LYPD6B: variants seen among roughly 807,000 people sequenced by gnomAD.
The protein encoded by LYPD6B is LY6/PLAUR domain containing 6B.
Under a neutral mutation model 22.8 loss-of-function variants are expected in LYPD6B, and 17 were observed. The ratio of observed to expected loss-of-function variants is 0.75; its 90% CI spans 0.51 to 1.12. The LOEUF (loss-of-function observed/expected upper bound fraction) is 1.12, where lower values mean the gene tolerates loss of function less well. Ranked by LOEUF, LYPD6B falls within the 50% of genes most tolerant of loss-of-function variation. The pLI is 0.00. For missense variants in LYPD6B, 221 were observed against 258.3 expected, an observed-to-expected ratio of 0.86 and a Z score of 0.99; for synonymous variants, 106 against 91.6, an observed-to-expected ratio of 1.16 and a Z score of -0.90.
chr2:149,141,251 C>G (rs1688674948), intron 2 of LYPD6B, among the ~76,000 whole-genome samples: 1 of 152,144 alleles, frequency 6.6e-6, no homozygotes, highest in African/African-American at 2.4e-5. Flanking sequence ...TGGGGCAGAG[C>G]ATTCCAGGAA....
chr2:149,197,501 ACT>A (rs1008800273), intron 3 of LYPD6B, among the ~76,000 whole-genome samples: 1 of 151,736 alleles, frequency 6.6e-6, no homozygotes, highest in South Asian at 2.1e-4. Context: ...ATAGAGCGAG[ACT>A]CTGTCTCAAG....
intron 1 of LYPD6B, among the ~76,000 whole-genome samples, chr2:149,125,950 C>T (rs1384503): frequency 0.52 from 79,675 of 151,896 alleles, 21,217 homozygotes; most frequent in East Asian, 0.86. Flanking sequence ...AAAAAATTTC[C>T]TCATTGGGTG....
intron 1 of LYPD6B, among the ~76,000 whole-genome samples, chr2:149,108,659 C>T (rs1422009733): frequency 1.3e-5 from 2 of 152,196 alleles, no homozygotes; most frequent in Admixed American, 1.3e-4. Context: ...CAACTTTTGA[C>T]TTTCAGCACA....
At chr2:149,209,367 G>A (rs1693701487) in intron 5 of LYPD6B, among the ~76,000 whole-genome samples, 1 of 152,036 alleles carries the variant, frequency 6.6e-6, no homozygotes, top group Non-Finnish European at 1.5e-5. Flanking sequence ...GAGGTGGGGA[G>A]GTGAATGATT....
intron 1 of LYPD6B, among the ~76,000 whole-genome samples, chr2:149,053,054 A>T (rs1480535056): frequency 6.6e-6 from 1 of 152,166 alleles, no homozygotes; most frequent in Non-Finnish European, 1.5e-5. Context: ...TTTAATTTTG[A>T]TGAATTCTAA....
chr2:149,144,834 G>T (rs4667349), intron 2 of LYPD6B, among the ~76,000 whole-genome samples: 1 of 151,942 alleles, frequency 6.6e-6, no homozygotes, highest in Non-Finnish European at 1.5e-5. Flanking sequence ...TCCACTTGAC[G>T]TGCCTTCAAA....
At chr2:149,142,635 C>A (rs1490084737) in intron 2 of LYPD6B, among the ~76,000 whole-genome samples, 1 of 152,042 alleles carries the variant, frequency 6.6e-6, no homozygotes, top group Non-Finnish European at 1.5e-5. Context: ...CCTCTCCCCC[C>A]ATAGACAACT....
intron 3 of LYPD6B, among the ~76,000 whole-genome samples, chr2:149,175,061 C>CTCTCTCTCTCTGTGTGTGTG (rs1454802925): frequency 8.0e-5 from 9 of 113,074 alleles, no homozygotes; most frequent in East Asian, 2.9e-4. Flanking sequence ...CTCTCTCTCT[C>CTCTCTCTCTCTGTGTGTGTG]TGTGTGTGTG....
chr2:149,066,160 CTTTTT>C (rs553679005), intron 1 of LYPD6B, among the ~76,000 whole-genome samples: 1 of 145,942 alleles, frequency 6.9e-6, no homozygotes, highest in Non-Finnish European at 1.5e-5. Context: ...TATTTGTTTC[CTTTTT>C]TTTTTCAAAT....
chr2:149,201,249 A>T (rs971510838), intron 3 of LYPD6B, among the ~76,000 whole-genome samples: 6 of 152,326 alleles, frequency 3.9e-5, no homozygotes, highest in African/African-American at 1.4e-4. Flanking sequence ...ATAATTTTGC[A>T]AATAACCTGA....
At position 149,191,406 on chromosome 2, in the gene LYPD6B, TCCTGG is replaced by T. The variant is rs967429884; in HGVS notation, c.78-13844_78-13840del. ...AGGTATGTATCCAACCATATTTTTT[TCCTGG>T]CCACTCACTTGTCCCAACTCAACTT... On this transcript the variant is annotated intron_variant, in intron 3 of 6. Transcript: ENST00000409642. Among the ~76,000 whole-genome samples the T allele has an allele frequency of 1.2e-4, 19 of 152,188 alleles. 1 individual carries two copies. The highest frequency in any genetic ancestry group is 9.2e-4 in the Admixed American group (14 of 15,272).
intron 3 of LYPD6B, among the ~76,000 whole-genome samples, chr2:149,168,017 A>T (rs548810802): frequency 4.6e-4 from 70 of 151,946 alleles, no homozygotes; most frequent in Admixed American, 4.4e-3. Flanking sequence ...CAAGACCAGC[A>T]TGGCAAACAT....
intron 3 of LYPD6B, among the ~76,000 whole-genome samples, chr2:149,198,797 G>A (rs992327529): frequency 1.6e-4 from 25 of 152,286 alleles, no homozygotes; most frequent in Non-Finnish European, 2.2e-4. Context: ...ATTTAAAGCA[G>A]TACAGCAGGA....
intron 1 of LYPD6B, among the ~76,000 whole-genome samples, chr2:149,062,842 C>G (rs1294271725): frequency 2.1e-5 from 3 of 142,500 alleles, no homozygotes; most frequent in African/African-American, 7.8e-5. Context: ...CAGATGAAAG[C>G]TTTCAGTGAT....
At chr2:149,175,704 AT>A (rs1658478544) in intron 3 of LYPD6B, among the ~76,000 whole-genome samples, 1 of 136,828 alleles carries the variant, frequency 7.3e-6, no homozygotes, top group African/African-American at 2.5e-5. Flanking sequence ...TATTTTTAAA[AT>A]TTTTAATTTT....
intron 1 of LYPD6B, among the ~76,000 whole-genome samples, chr2:149,044,175 G>A (rs1683207811): frequency 6.6e-6 from 1 of 151,934 alleles, no homozygotes; most frequent in Non-Finnish European, 1.5e-5. Context: ...ATCCTCCTAG[G>A]ATTTTGAATG....
chr2:149,169,128 T>C (rs1194139781), intron 3 of LYPD6B, among the ~76,000 whole-genome samples: 1 of 152,142 alleles, frequency 6.6e-6, no homozygotes, highest in Non-Finnish European at 1.5e-5. Context: ...AAATGATTAA[T>C]TCAGATTAAT....
intron 1 of LYPD6B, among the ~76,000 whole-genome samples, chr2:149,097,036 TA>T (rs1410021503): frequency 6.6e-6 from 1 of 152,194 alleles, no homozygotes; most frequent in Non-Finnish European, 1.5e-5. Flanking sequence ...TGGCCAATAG[TA>T]AACATGTGCT....
intron 1 of LYPD6B, among the ~76,000 whole-genome samples, chr2:149,059,332 C>T (rs573863614): frequency 9.2e-5 from 14 of 152,216 alleles, no homozygotes; most frequent in Admixed American, 6.5e-5. Flanking sequence ...GGGACTTTTG[C>T]GTTGCCAGGA....
Sources: gnomAD v4.1 joint callset for allele counts (sites outside exome capture counted in the v4.1 genomes callset) on GRCh38, gnomAD v4.1.1 for gene constraint, MANE v1.5 for transcripts, NCBI Gene and HGNC (gene_info 2026-07-23, HGNC 2026-07-21) for gene names.